Variants in GRIN2A observed in about 807,000 individuals in gnomAD.
The protein encoded by GRIN2A is glutamate ionotropic receptor NMDA type subunit 2A, also known as glutamate receptor ionotropic, NMDA 2A.
A neutral mutation model predicts 113.4 loss-of-function variants in GRIN2A; 22 were observed. That is an observed-to-expected ratio of 0.19 (90% CI 0.14 to 0.28). The LOEUF is 0.28. Ranked by LOEUF, GRIN2A falls within the 10% of genes least tolerant of loss-of-function variation. The pLI is 1.00. For missense variants in GRIN2A, 1,502 were observed against 1,887.0 expected (o/e 0.80, Z 3.78); for synonymous variants, 827 against 738.4 (o/e 1.12, Z -1.94).
At chr16:10,171,776 T>C (rs2142360073) in intron 2 of GRIN2A, among the ~76,000 whole-genome samples, 1 of 152,322 alleles carries the variant, frequency 6.6e-6, no homozygotes, top group Middle Eastern at 3.4e-3. Context: ...GCATTTATTA[T>C]AAGGTAGGCA....
rs147066405 is a variant in GRIN2A at position 9,873,244 on chromosome 16, A to G, written c.1122+17742T>C. Reference sequence around the variant, plus strand: ...TGAAGAGAAGCTACTTAATGGATACAATGTATGTTATTTGTGAGAGGGATA... The same window carrying G: ...TGAAGAGAAGCTACTTAATGGATACGATGTATGTTATTTGTGAGAGGGATA... On this transcript the variant is annotated intron_variant, in intron 4 of 12. Coordinates refer to ENST00000330684, the MANE Select transcript of GRIN2A (RefSeq NM_001134407.3). 5.0e-3 allele frequency among the ~76,000 whole-genome samples: 755 copies of G among 152,278 alleles called. 3 individuals are homozygous for G. The highest frequency in any genetic ancestry group is 7.4e-3 in the Non-Finnish European group (502 of 68,014).
Position 10,079,019 on chromosome 16 carries a change from A to G in GRIN2A, c.414+100979T>C, listed in dbSNP as rs2047931686. On this transcript the variant is annotated intron_variant, in intron 2 of 12. Coordinates refer to ENST00000330684, the MANE Select transcript of GRIN2A (RefSeq NM_001134407.3). ...TATGCTCATAGCTCCATTCATTCAA[A>G]CAGCCATGCAACAACACCTGAGATT... Among the ~76,000 whole-genome samples, 3 of 152,324 alleles carry G rather than the reference A, an allele frequency of 2.0e-5. No individual in the cohort carries two copies. The South Asian group carries it at 6.2e-4, about 32-fold the overall frequency.
In GRIN2A at chr16:9,768,757, G is replaced by T. The variant is rs1490325227; in HGVS notation, c.2595+94C>A. On this transcript the variant is annotated intron_variant, in intron 12 of 12. Transcript: ENST00000330684. ...GACATGCCCAAGAAAGGCTGGTAAGGGGAGGAAGTGCAGACCCCACTGAGA... is the reference window on the plus strand; with the variant it reads ...GACATGCCCAAGAAAGGCTGGTAAGTGGAGGAAGTGCAGACCCCACTGAGA... The T allele has an allele frequency of 4.7e-6, 4 of 845,846 alleles. No homozygotes were observed. In the Admixed American group the frequency reaches 6.8e-5, roughly 14 times the overall value. The allele number at this position is 845,846 out of a possible 1,614,324, so 52.4% of individuals were successfully genotyped here. A position where few individuals can be genotyped will look rare whatever the true frequency, so the allele number is the denominator to read the frequency against.
Position 9,919,144 on chromosome 16 carries a change from G to A in GRIN2A, c.1007+18815C>T, listed in dbSNP as rs7186124. ...GCCTGGATCACGCCCCTGCACTCCAGCCTGAGTGACACAGTGAGACTCCAT... is the reference window on the plus strand; with the variant it reads ...GCCTGGATCACGCCCCTGCACTCCAACCTGAGTGACACAGTGAGACTCCAT... On this transcript the variant is annotated intron_variant, in intron 3 of 12. Coordinates refer to ENST00000330684, the MANE Select transcript of GRIN2A (RefSeq NM_001134407.3). Among the ~76,000 whole-genome samples, 549 of 152,246 alleles carry A rather than the reference G, an allele frequency of 3.6e-3. 2 individuals carry two copies. The highest frequency in any genetic ancestry group is 0.013 in the African/African-American group (523 of 41,534).
intron 2 of GRIN2A, among the ~76,000 whole-genome samples, chr16:10,011,604 G>T (rs1362825811): frequency 6.6e-6 from 1 of 152,134 alleles, no homozygotes; most frequent in Non-Finnish European, 1.5e-5. Flanking sequence ...CCTCCTTCAT[G>T]GATCCCTAGA....
At position 10,021,461 on chromosome 16, in the gene GRIN2A, G is replaced by A. The variant is rs527751806; in HGVS notation, c.415-82910C>T. Among the ~76,000 whole-genome samples, 31 of 152,198 alleles carry A rather than the reference G, an allele frequency of 2.0e-4. No individual in the cohort carries two copies. In the South Asian group the frequency reaches 5.0e-3, roughly 24 times the overall value. ...AGAATTCTCACCTCAGCAGTCTACC[G>A]CAGACTCCAAGCTCTTCGCCACTCA... On this transcript the variant is annotated intron_variant, in intron 2 of 12. Transcript: ENST00000330684.
intron 4 of GRIN2A, among the ~76,000 whole-genome samples, chr16:9,880,018 A>C (rs1344660425): frequency 6.6e-6 from 1 of 152,166 alleles, no homozygotes; most frequent in Non-Finnish European, 1.5e-5. Context: ...CCTCAAACTT[A>C]CCCATTTGAA....
chr16:9,915,133 T>A (rs1443587037), intron 3 of GRIN2A, among the ~76,000 whole-genome samples: 1 of 151,366 alleles, frequency 6.6e-6, no homozygotes, highest in Non-Finnish European at 1.5e-5. Context: ...AGATGGGGTT[T>A]CACCATGTTA....
At chr16:9,868,956 C>G (rs963995922) in intron 4 of GRIN2A, among the ~76,000 whole-genome samples, 4 of 152,162 alleles carry the variant, frequency 2.6e-5, no homozygotes, top group Non-Finnish European at 5.9e-5. Flanking sequence ...GGGAAGCAGC[C>G]TCTAATCCCA....
At chr16:9,920,637 G>T (rs926467611) in intron 3 of GRIN2A, among the ~76,000 whole-genome samples, 4 of 151,360 alleles carry the variant, frequency 2.6e-5, no homozygotes, top group African/African-American at 9.7e-5. Flanking sequence ...CAAGATCTCG[G>T]CTCACTGCAA....
At chr16:9,911,838 C>T (rs2044145367) in intron 3 of GRIN2A, among the ~76,000 whole-genome samples, 1 of 152,148 alleles carries the variant, frequency 6.6e-6, no homozygotes, top group Non-Finnish European at 1.5e-5. Context: ...TGGGAAGTTT[C>T]TATGACTTAT....
At chr16:10,002,950 G>A (rs953172196) in intron 2 of GRIN2A, among the ~76,000 whole-genome samples, 7 of 152,250 alleles carry the variant, frequency 4.6e-5, no homozygotes, top group Middle Eastern at 3.4e-3. Context: ...TATTCTTGTC[G>A]AAATTCATCA....
rs150402943 is a variant in GRIN2A at position 9,756,606 on chromosome 16, G to T, written c.*6543C>A. 9 of 198,608 alleles carry T rather than the reference G, an allele frequency of 4.5e-5. No individual in the cohort carries two copies. The highest frequency in any genetic ancestry group is 9.4e-5 in the Non-Finnish European group (9 of 95,990). 12.3% of individuals were successfully genotyped at this position (198,608 alleles called of 1,614,324 possible). A position where few individuals can be genotyped will look rare whatever the true frequency, so the allele number is the denominator to read the frequency against. ...GCTGACGAGGTTGAGAAAAACCTGA[G>T]CCTCAGTTTCCTTATCTGTAAAATG... On this transcript the variant is annotated 3_prime_UTR_variant, in exon 13 of 13. Coordinates refer to ENST00000330684, the MANE Select transcript of GRIN2A (RefSeq NM_001134407.3).
chr16:10,074,580 C>T (rs1293000731), intron 2 of GRIN2A, among the ~76,000 whole-genome samples: 7 of 152,216 alleles, frequency 4.6e-5, no homozygotes, highest in African/African-American at 1.4e-4. Flanking sequence ...ATACCTTCTA[C>T]AACATGGATG....
chr16:9,971,147 T>C lies in GRIN2A; in HGVS notation c.415-32596A>G, dbSNP rs145681256. 5.8e-3 allele frequency among the ~76,000 whole-genome samples: 886 copies of C among 152,320 alleles called. 4 individuals are homozygous for C. The highest frequency in any genetic ancestry group is 9.9e-3 in the Non-Finnish European group (673 of 68,016). On this transcript the variant is annotated intron_variant, in intron 2 of 12. Coordinates refer to ENST00000330684, the MANE Select transcript of GRIN2A (RefSeq NM_001134407.3). ...TAAGGATGCCCACACTGTTTTCTGT[T>C]ATTCTTCCCATTGACAGGTGGATTG...
intron 2 of GRIN2A, among the ~76,000 whole-genome samples, chr16:10,063,485 C>T (rs1421534298): frequency 6.6e-6 from 1 of 152,170 alleles, no homozygotes; most frequent in Non-Finnish European, 1.5e-5. Context: ...TGACAGCAAC[C>T]ATAAGCCTCC....
chr16:9,821,570 A>G lies in GRIN2A; in HGVS notation c.2168+694T>C, dbSNP rs938631450. 3.9e-5 allele frequency among the ~76,000 whole-genome samples: 6 copies of G among 152,160 alleles called. No homozygotes were observed. The East Asian group carries it at 9.6e-4, about 24-fold the overall frequency. ...CAACACTCACATTTAGGTACTGTCT[A>G]TTTCCCATCCAAAAGGCTTTCCATC... On this transcript the variant is annotated intron_variant, in intron 10 of 12. Coordinates refer to ENST00000330684, the MANE Select transcript of GRIN2A (RefSeq NM_001134407.3).
intron 2 of GRIN2A, among the ~76,000 whole-genome samples, chr16:9,951,972 T>A (rs2045194812): frequency 6.6e-6 from 1 of 152,152 alleles, no homozygotes. Flanking sequence ...TGACACTCAC[T>A]GCCCAGTGAC....
At chr16:9,864,746 C>T (rs962427988) in intron 4 of GRIN2A, among the ~76,000 whole-genome samples, 15 of 152,144 alleles carry the variant, frequency 9.9e-5, no homozygotes, top group African/African-American at 3.6e-4. Context: ...GCATTTCATC[C>T]CCCTCGCCTG....
Sources: allele counts gnomAD v4.1 joint callset (sites outside exome capture counted in the v4.1 genomes callset), GRCh38; gene constraint gnomAD v4.1.1; transcripts MANE v1.5; gene names NCBI Gene and HGNC (gene_info 2026-07-23, HGNC 2026-07-21).